The following AK1 variants were observed in gnomAD, a reference collection of about 807,000 sequenced individuals.
The protein encoded by AK1 is adenylate kinase isoenzyme 1.
AK1 carries 13 observed loss-of-function variants against 23.9 expected under a neutral mutation model. The ratio of observed to expected loss-of-function variants is 0.54; its 90% CI spans 0.35 to 0.86. The LOEUF is 0.86. AK1 is among the 40% of genes least tolerant of loss of function. The pLI is 0.01. For synonymous variants in AK1, 97 were observed against 102.8 expected (o/e 0.94, Z 0.34); for missense variants, 214 against 255.1 (o/e 0.84, Z 1.10).
intron 5 of AK1, among the ~76,000 whole-genome samples, chr9:127,870,680 G>C (rs1168516324): frequency 6.6e-6 from 1 of 152,232 alleles, no homozygotes; most frequent in Non-Finnish European, 1.5e-5. Context: ...GTGAGGGGCA[G>C]AGTGGGGTAG....
chr9:127,873,939 G>A, intron 2 of AK1: 1 of 985,446 alleles, frequency 1.0e-6, no homozygotes, highest in Non-Finnish European at 1.2e-6. Flanking sequence ...CCATAAGGCT[G>A]GAGCCCTACA....
In AK1 at chr9:127,877,585, A is replaced by T. The variant is rs1318716672; in HGVS notation, c.-33+38T>A. 6.6e-6 allele frequency: 1 copy of T among 151,528 alleles called. No homozygotes were observed. Among genetic ancestry groups the T allele is most frequent in the East Asian group, 1.9e-4 (1 of 5,134 alleles). The allele number at this position is 151,528 out of a possible 1,614,324, so 9.4% of individuals were successfully genotyped here. On this transcript the variant is annotated intron_variant, in intron 1 of 6. Transcript: ENST00000644144. The surrounding 1 kb of genome is among the most constrained non-coding windows in gnomAD (Gnocchi z 5.2). ...CCCCGGTGCCGCTGCCCCTCCCCGC[A>T]GAGGCGCCCCCCCAGACACGCGCGG...
rs1055037481 is a variant in AK1 at position 127,868,168 on chromosome 9, G to C, written c.517-92C>G. 1 of 1,509,434 alleles carries C rather than the reference G, an allele frequency of 6.6e-7. No individual in the cohort carries two copies. Among genetic ancestry groups the C allele is most frequent in the Non-Finnish European group, 9.2e-7 (1 of 1,091,874 alleles). The allele number at this position is 1,509,434 out of a possible 1,614,324, so 93.5% of individuals were successfully genotyped here. The stretch of plus-strand genomic sequence containing the variant: ...CCCCAGAGACCAGGCCTGCCTCCCC[G>C]AGCCCAACCTAATTGACAGCAGCCC... On this transcript the variant is annotated intron_variant, in intron 6 of 6. Coordinates refer to ENST00000644144, the MANE Select transcript of AK1 (RefSeq NM_000476.3). This position sits in a 1 kb window ranked among gnomAD's most constrained non-coding sequence, Gnocchi z 4.1.
At chr9:127,878,880 T>C (rs1829591943), upstream of AK1, among the ~76,000 whole-genome samples, 1 of 152,138 alleles carries the variant, frequency 6.6e-6, no homozygotes, top group Non-Finnish European at 1.5e-5. Flanking sequence ...GGTGTGTGCA[T>C]TGGCACCTTT....
chr9:127,875,522 T>G (rs988610704), intron 1 of AK1, among the ~76,000 whole-genome samples: 1 of 148,554 alleles, frequency 6.7e-6, no homozygotes, highest in African/African-American at 2.5e-5. Flanking sequence ...AGCCTTGACC[T>G]CCAGCCAGCG....
At chr9:127,875,071 G>A in intron 1 of AK1, 1 of 245,724 alleles carries the variant, frequency 4.1e-6, no homozygotes, top group South Asian at 5.4e-5. Context: ...AGGGCCAGAG[G>A]GAAGCTGCCA....
At chr9:127,874,025 A>G (rs1829481136) in intron 2 of AK1, 3 of 985,374 alleles carry the variant, frequency 3.0e-6, no homozygotes, top group South Asian at 4.7e-5. Context: ...GGCTGTTGAT[A>G]TTTGGAGCTC....
intron 2 of AK1, chr9:127,874,001 G>A: frequency 1.0e-6 from 1 of 985,418 alleles, no homozygotes; most frequent in Non-Finnish European, 1.2e-6. Context: ...GGGGTGCAGT[G>A]GCCGCAGCCC....
rs1829260167 is a variant in AK1 at position 127,866,919 on chromosome 9, G to A, written c.*1089C>T. Reference sequence around the variant, plus strand: ...TTGAGTCTGTTTTAGAATTGGAAACGGCTCACAGAGGGTGGGCTGTGTCCA... The same window carrying A: ...TTGAGTCTGTTTTAGAATTGGAAACAGCTCACAGAGGGTGGGCTGTGTCCA... On this transcript the variant is annotated 3_prime_UTR_variant, in exon 7 of 7. Coordinates refer to ENST00000644144, the MANE Select transcript of AK1 (RefSeq NM_000476.3). 6.6e-6 allele frequency: 1 copy of A among 152,146 alleles called. No individual in the cohort carries two copies. The highest frequency in any genetic ancestry group is 1.5e-5 in the Non-Finnish European group (1 of 68,056). The allele number at this position is 152,146 out of a possible 1,614,324, so 9.4% of individuals were successfully genotyped here.
At position 127,868,120 on chromosome 9, in the gene AK1, G is replaced by C; in HGVS notation, c.517-44C>G. The stretch of plus-strand genomic sequence containing the variant: ...TGAGGGCTGAGTCACCAGGTGGAGT[G>C]GGGTGGGCCTCACCATGGCAGGCCC... On this transcript the variant is annotated intron_variant, in intron 6 of 6. Transcript: ENST00000644144. This position sits in a 1 kb window ranked among gnomAD's most constrained non-coding sequence, Gnocchi z 4.1. 4.4e-6 allele frequency: 7 copies of C among 1,603,504 alleles called. No homozygotes were observed. The highest frequency in any genetic ancestry group is 6.0e-6 in the Non-Finnish European group (7 of 1,170,544).
intron 2 of AK1, chr9:127,874,024 T>C (rs1829481058): frequency 1.0e-6 from 1 of 985,236 alleles, no homozygotes; most frequent in Admixed American, 6.1e-5. Context: ...TGGCTGTTGA[T>C]ATTTGGAGCT....
chr9:127,868,541 C>T lies in AK1; in HGVS notation c.325-29G>A. The T allele has an allele frequency of 6.4e-7, 1 of 1,556,080 alleles. No individual in the cohort carries two copies. Among genetic ancestry groups the T allele is most frequent in the South Asian group, 1.2e-5 (1 of 84,798 alleles). On this transcript the variant is annotated intron_variant, in intron 5 of 6. Transcript: ENST00000644144. The surrounding 1 kb of genome is among the most constrained non-coding windows in gnomAD (Gnocchi z 4.1). ...CAGGCGGGCACCATGTCACAGGGAC[C>T]CCATTCCTGCCCCCTAGGGCCATCT...
Position 127,871,741 on chromosome 9 carries a change from A to G in AK1, c.324+82T>C. The G allele has an allele frequency of 8.8e-7, 1 of 1,131,546 alleles. No individual in the cohort carries two copies. Among genetic ancestry groups the G allele is most frequent in the Non-Finnish European group, 1.3e-6 (1 of 752,226 alleles). The allele number at this position is 1,131,546 out of a possible 1,614,324, so 70.1% of individuals were successfully genotyped here. Reference sequence around the variant, plus strand: ...TGCTCAGAACTCTGACCTGCATCACAGCCCCCGCAGGCCCGCCCATGGGGA... The same window carrying G: ...TGCTCAGAACTCTGACCTGCATCACGGCCCCCGCAGGCCCGCCCATGGGGA... On this transcript the variant is annotated intron_variant, in intron 5 of 6. Transcript: ENST00000644144. This position sits in a 1 kb window ranked among gnomAD's most constrained non-coding sequence, Gnocchi z 4.4.
chr9:127,873,829 C>G, intron 2 of AK1: 4 of 985,444 alleles, frequency 4.1e-6, no homozygotes, highest in Non-Finnish European at 4.8e-6. Flanking sequence ...AGGCTGTATC[C>G]CACCTTGCTG....
rs1190699230 is a variant in AK1 at position 127,877,397 on chromosome 9, A to AACACACACGC, written c.-33+216_-33+225dup. The stretch of plus-strand genomic sequence containing the variant: ...GCTGGAAGGGGCTGCAACACACACA[A>AACACACACGC]ACACACACGCACACACACGCACGGA... On this transcript the variant is annotated intron_variant, in intron 1 of 6. Transcript: ENST00000644144. The surrounding 1 kb of genome is among the most constrained non-coding windows in gnomAD (Gnocchi z 5.2). Among the ~76,000 whole-genome samples the AACACACACGC allele has an allele frequency of 6.7e-6, 1 of 149,984 alleles. No individual in the cohort carries two copies. The highest frequency in any genetic ancestry group is 2.5e-5 in the African/African-American group (1 of 40,108).
At chr9:127,873,779 G>T (rs914785237) in intron 2 of AK1, 2 of 985,310 alleles carry the variant, frequency 2.0e-6, no homozygotes, top group Non-Finnish European at 2.4e-6. Context: ...CTCCCCACTG[G>T]GCTTTCAGGC....
intron 3 of AK1, 25 bp from the exon 4 acceptor site, chr9:127,872,878 A>G: frequency 6.2e-7 from 1 of 1,613,072 alleles, no homozygotes; most frequent in Non-Finnish European, 8.5e-7. Context: ...CCATTCATAA[A>G]CCCCGAGACA....
At chr9:127,875,112 G>A in intron 1 of AK1, 1 of 230,438 alleles carries the variant, frequency 4.3e-6, no homozygotes, top group African/African-American at 2.2e-5. Context: ...AACTATGTGT[G>A]TCTGGGATGA....
intron 5 of AK1, among the ~76,000 whole-genome samples, chr9:127,870,820 GGGC>G (rs1829382227): frequency 7.1e-6 from 1 of 141,804 alleles, no homozygotes; most frequent in Non-Finnish European, 1.6e-5. Flanking sequence ...CATGGGAATG[GGGC>G]ATGGGAATGG....
Sources: gnomAD v4.1 joint callset for allele counts (sites outside exome capture counted in the v4.1 genomes callset) on GRCh38, gnomAD v4.1.1 for gene constraint, Gnocchi (gnomAD v3.1) non-coding constraint, MANE v1.5 for transcripts, NCBI Gene and HGNC (gene_info 2026-07-23, HGNC 2026-07-21) for gene names.